Variants in ARMC9 observed in about 807,000 individuals in gnomAD.
ARMC9 encodes lisH domain-containing protein ARMC9.
Under a neutral mutation model 107.0 loss-of-function variants are expected in ARMC9, and 94 were observed. The observed-to-expected ratio is 0.88, with a 90% CI of 0.74 to 1.04. The LOEUF is 1.04. Among genes scored for constraint, ARMC9 ranks in the 50% least tolerant of loss-of-function variants. The pLI is 0.00. For synonymous variants in ARMC9, 380 were observed against 396.9 expected, an observed-to-expected ratio of 0.96 and a Z score of 0.51; for missense variants, 942 against 1,030.1, an observed-to-expected ratio of 0.91 and a Z score of 1.17.
At chr2:231,214,696 C>T (rs79587894) in intron 3 of ARMC9, 135 bp from the exon 4 acceptor site, 31,787 of 918,016 alleles carry the variant, frequency 0.035, 696 homozygotes, top group Non-Finnish European at 0.044. Context: ...GAGCTTGAAT[C>T]CTGTGGGATC....
intron 11 of ARMC9, 24 bp downstream of exon 11, chr2:231,259,126 A>G: frequency 3.1e-6 from 5 of 1,587,790 alleles, no homozygotes; most frequent in Non-Finnish European, 4.3e-6. Context: ...TCTTAAAGTT[A>G]GAAAACAAAA....
chr2:231,202,905 TG>T (rs964574567), intron 1 of ARMC9, among the ~76,000 whole-genome samples: 7 of 152,056 alleles, frequency 4.6e-5, no homozygotes, highest in African/African-American at 7.2e-5. Context: ...AAAGCAGACT[TG>T]GGGGGTATGC....
At chr2:231,248,588 C>T (rs1034726767) in intron 9 of ARMC9, among the ~76,000 whole-genome samples, 7 of 151,980 alleles carry the variant, frequency 4.6e-5, no homozygotes, top group Non-Finnish European at 7.4e-5. Context: ...GCGGGCGGAT[C>T]ATGAGGTCAG....
At chr2:231,240,297 G>T (rs1161511860) in intron 9 of ARMC9, 2 of 514,058 alleles carry the variant, frequency 3.9e-6, no homozygotes, top group Non-Finnish European at 6.9e-6. Context: ...GGTTCCCAGG[G>T]TTGGGGATCA....
intron 1 of ARMC9, among the ~76,000 whole-genome samples, chr2:231,201,968 T>C (rs2031068954): frequency 6.6e-6 from 1 of 151,770 alleles, no homozygotes; most frequent in East Asian, 1.9e-4. Flanking sequence ...TCACCATGCT[T>C]CTTACTTGCA....
chr2:231,319,061 A>G (rs1237653344), intron 19 of ARMC9, among the ~76,000 whole-genome samples: 1 of 152,178 alleles, frequency 6.6e-6, no homozygotes, highest in Non-Finnish European at 1.5e-5. Context: ...ATATGAGGTC[A>G]GATCACCTAG....
intron 7 of ARMC9, among the ~76,000 whole-genome samples, chr2:231,228,808 C>T (rs1356687819): frequency 1.3e-5 from 2 of 152,022 alleles, no homozygotes; most frequent in Non-Finnish European, 2.9e-5. Flanking sequence ...AGCCTTTGGA[C>T]CCCCAGGCAA....
intron 7 of ARMC9, among the ~76,000 whole-genome samples, chr2:231,232,771 A>T (rs951311474): frequency 6.6e-6 from 1 of 151,414 alleles, no homozygotes; most frequent in African/African-American, 2.4e-5. Flanking sequence ...GACTTTTTAA[A>T]GTTATCTTTC....
intron 2 of ARMC9, among the ~76,000 whole-genome samples, chr2:231,206,508 C>T (rs2032015445): frequency 6.6e-6 from 1 of 152,096 alleles, no homozygotes; most frequent in Non-Finnish European, 1.5e-5. Flanking sequence ...ATTATAAAAG[C>T]AATACACGTC....
chr2:231,222,943 T>A, intron 6 of ARMC9, 123 bp downstream of exon 6: 1 of 584,594 alleles, frequency 1.7e-6, no homozygotes, highest in South Asian at 2.6e-5. Flanking sequence ...AGTGTTGCTT[T>A]CATATTTACA....
At chr2:231,315,189 A>T (rs2042593139) in intron 19 of ARMC9, among the ~76,000 whole-genome samples, 2 of 150,848 alleles carry the variant, frequency 1.3e-5, no homozygotes, top group Middle Eastern at 3.4e-3. Flanking sequence ...CAGTAAGCCA[A>T]GATCATGCCA....
chr2:231,376,314 T>C lies in ARMC9; in HGVS notation c.*4779T>C, dbSNP rs1299848913. 6.6e-6 allele frequency among the ~76,000 whole-genome samples: 1 copy of C among 152,168 alleles called. No individual in the cohort carries two copies. Among genetic ancestry groups the C allele is most frequent in the Non-Finnish European group, 1.5e-5 (1 of 68,026 alleles). ...CGGGCGGAACAGAGCCATATTTCTC[T>C]TCTTTCAAAAGCAAATGGGAGAAAT... On this transcript the variant is annotated 3_prime_UTR_variant, in exon 25 of 25. Coordinates refer to ENST00000611582, the MANE Select transcript of ARMC9 (RefSeq NM_001352754.2).
intron 16 of ARMC9, 142 bp from the exon 17 acceptor site, chr2:231,281,917 C>T (rs1559400267): frequency 1.4e-6 from 1 of 719,622 alleles, no homozygotes; most frequent in South Asian, 1.8e-5. Flanking sequence ...TGGAAACATA[C>T]ATCCTGGAGC....
intron 12 of ARMC9, among the ~76,000 whole-genome samples, chr2:231,269,843 G>A (rs554240164): frequency 6.6e-6 from 1 of 151,810 alleles, no homozygotes; most frequent in Admixed American, 6.6e-5. Context: ...CTCCCTGCAC[G>A]GTCTCATTTA....
At chr2:231,219,346 C>T (rs2033873071) in intron 5 of ARMC9, among the ~76,000 whole-genome samples, 1 of 152,132 alleles carries the variant, frequency 6.6e-6, no homozygotes, top group Non-Finnish European at 1.5e-5. Flanking sequence ...AACCCCCTTT[C>T]CTTGAAGATC....
chr2:231,323,052 G>A (rs914134971), intron 19 of ARMC9, among the ~76,000 whole-genome samples: 5 of 152,146 alleles, frequency 3.3e-5, no homozygotes, highest in African/African-American at 4.8e-5. Context: ...AGCAGGGCAC[G>A]GTGGCTCATG....
chr2:231,267,760 C>T (rs2038981450), intron 12 of ARMC9, among the ~76,000 whole-genome samples: 1 of 152,150 alleles, frequency 6.6e-6, no homozygotes, highest in African/African-American at 2.4e-5. Context: ...GCTCGTTTCA[C>T]CAGTCATTTT....
intron 11 of ARMC9, among the ~76,000 whole-genome samples, chr2:231,261,848 A>C (rs1488180761): frequency 6.7e-6 from 1 of 150,330 alleles, no homozygotes; most frequent in Non-Finnish European, 1.5e-5. Flanking sequence ...TTTGAGACCG[A>C]GTCTTGCTCT....
intron 9 of ARMC9, among the ~76,000 whole-genome samples, chr2:231,249,026 C>T (rs1352338622): frequency 1.3e-5 from 2 of 152,144 alleles, no homozygotes; most frequent in Admixed American, 1.3e-4. Flanking sequence ...CCACAGTGCT[C>T]TGTTAGTCCA....
Sources: gnomAD v4.1 joint callset for allele counts (sites outside exome capture counted in the v4.1 genomes callset) on GRCh38, gnomAD v4.1.1 for gene constraint, MANE v1.5 for transcripts, NCBI Gene and HGNC (gene_info 2026-07-23, HGNC 2026-07-21) for gene names.